Variants in MAN1C1 observed in about 807,000 individuals in gnomAD.
The protein encoded by MAN1C1 is mannosidase alpha class 1C member 1, also known as mannosyl-oligosaccharide 1,2-alpha-mannosidase IC.
Under a neutral mutation model 71.5 loss-of-function variants are expected in MAN1C1, and 49 were observed. The observed-to-expected ratio is 0.69, with a 90% confidence interval of 0.54 to 0.87. MAN1C1 has a LOEUF of 0.87. MAN1C1 is among the 40% of genes least tolerant of loss of function. MAN1C1 has a pLI of 0.00. For synonymous variants in MAN1C1, 352 were observed against 343.7 expected, an observed-to-expected ratio of 1.02 and a Z score of -0.27; for missense variants, 743 against 835.0, an observed-to-expected ratio of 0.89 and a Z score of 1.36.
At chr1:25,669,278 G>C (rs1468136733) in intron 1 of MAN1C1, among the ~76,000 whole-genome samples, 1 of 152,204 alleles carries the variant, frequency 6.6e-6, no homozygotes, top group Non-Finnish European at 1.5e-5. Context: ...AGCAGACCTA[G>C]AGAAGGTGTA....
At chr1:25,685,197 A>G (rs1289829513) in intron 1 of MAN1C1, among the ~76,000 whole-genome samples, 1 of 152,244 alleles carries the variant, frequency 6.6e-6, no homozygotes, top group African/African-American at 2.4e-5. Context: ...GATGGTGGCA[A>G]GGCCTGCCTT....
At chr1:25,709,185 C>T (rs1402423592) in intron 2 of MAN1C1, among the ~76,000 whole-genome samples, 2 of 152,168 alleles carry the variant, frequency 1.3e-5, no homozygotes, top group African/African-American at 4.8e-5. Context: ...GTATAGACGG[C>T]TGTCCTCCAT....
At position 25,640,254 on chromosome 1, in the gene MAN1C1, G is replaced by C. The variant is rs187193330; in HGVS notation, c.540+21917G>C. On this transcript the variant is annotated intron_variant, in intron 1 of 11. Transcript: ENST00000374332. Reference sequence around the variant, plus strand: ...CTTTAATTTCATTTGTCTGATTTGGGATGGGTGAAGGTGTTGAATAAAAGT... The same window carrying C: ...CTTTAATTTCATTTGTCTGATTTGGCATGGGTGAAGGTGTTGAATAAAAGT... Among the ~76,000 whole-genome samples the C allele has an allele frequency of 2.0e-4, 31 of 152,272 alleles. 1 individual carries two copies. The East Asian group carries it at 5.8e-3, about 28-fold the overall frequency.
intron 7 of MAN1C1, among the ~76,000 whole-genome samples, chr1:25,768,374 CA>C (rs2047485372): frequency 1.6e-5 from 2 of 123,380 alleles, no homozygotes; most frequent in African/African-American, 3.3e-5. Flanking sequence ...ACACTCCCCC[CA>C]CACACACTCC....
intron 2 of MAN1C1, among the ~76,000 whole-genome samples, chr1:25,716,766 C>T (rs966131892): frequency 6.6e-6 from 1 of 152,190 alleles, no homozygotes; most frequent in African/African-American, 2.4e-5. Context: ...AAATGTATTT[C>T]AACACCACTA....
intron 1 of MAN1C1, among the ~76,000 whole-genome samples, chr1:25,637,026 G>T (rs1447397925): frequency 1.1e-4 from 17 of 152,054 alleles, no homozygotes; most frequent in Admixed American, 3.3e-4. Flanking sequence ...ATGGTGGCAT[G>T]TGCCTGTAAT....
intron 1 of MAN1C1, among the ~76,000 whole-genome samples, chr1:25,647,421 C>T (rs2045630939): frequency 1.3e-5 from 2 of 152,138 alleles, no homozygotes; most frequent in South Asian, 4.2e-4. Flanking sequence ...GTTACGAGTC[C>T]AAAGGAAGAG....
intron 4 of MAN1C1, among the ~76,000 whole-genome samples, chr1:25,750,342 G>A (rs963710584): frequency 2.6e-5 from 4 of 152,180 alleles, no homozygotes; most frequent in Non-Finnish European, 4.4e-5. Context: ...GAGGTTGGCT[G>A]AGTCCCCAAA....
chr1:25,733,023 C>G (rs1430872859), intron 2 of MAN1C1, among the ~76,000 whole-genome samples: 1 of 152,212 alleles, frequency 6.6e-6, no homozygotes, highest in Non-Finnish European at 1.5e-5. Flanking sequence ...CTGGGAGGCT[C>G]TGGCACTGTC....
rs980412389 is a variant in MAN1C1, at chr1:25,764,081, C to A, written c.1141+114C>A. On this transcript the variant is annotated intron_variant, in intron 7 of 11. Transcript: ENST00000374332. This position sits in a 1 kb window ranked among gnomAD's most constrained non-coding sequence, Gnocchi z 4.4. ...GGATGTGTCTGTCAGAGCCATGCAG[C>A]CAGCAAGGCATTCGCTCGGTGCTCC... 2 of 844,510 alleles carry A rather than the reference C, an allele frequency of 2.4e-6. No individual in the cohort carries two copies. Among genetic ancestry groups the A allele is most frequent in the Non-Finnish European group, 3.9e-6 (2 of 517,898 alleles). The allele number at this position is 844,510 out of a possible 1,614,324, so 52.3% of individuals were successfully genotyped here. A position where few individuals can be genotyped will look rare whatever the true frequency, so the allele number is the denominator to read the frequency against.
chr1:25,744,172 C>T (rs771628527), intron 2 of MAN1C1, among the ~76,000 whole-genome samples: 2 of 152,154 alleles, frequency 1.3e-5, no homozygotes, highest in Non-Finnish European at 2.9e-5. Flanking sequence ...GGACACCAGG[C>T]CTGTACCCTG....
chr1:25,651,384 A>G (rs2045690575), intron 1 of MAN1C1, among the ~76,000 whole-genome samples: 1 of 152,156 alleles, frequency 6.6e-6, no homozygotes, highest in Admixed American at 6.5e-5. Flanking sequence ...TCCTGAGCTC[A>G]CTGCCTTGTT....
intron 1 of MAN1C1, among the ~76,000 whole-genome samples, chr1:25,641,548 A>G (rs1336253066): frequency 6.6e-6 from 1 of 152,164 alleles, no homozygotes; most frequent in Non-Finnish European, 1.5e-5. Context: ...TGCAGTCCGG[A>G]ATTATCTGGG....
chr1:25,761,579 C>T (rs2047358781), intron 6 of MAN1C1: 1 of 150,820 alleles, frequency 6.6e-6, no homozygotes, highest in Non-Finnish European at 1.5e-5. Context: ...CAGCATCTCC[C>T]CAACCCTTGG....
At chr1:25,620,871 T>C (rs2045196702) in intron 1 of MAN1C1, among the ~76,000 whole-genome samples, 1 of 152,202 alleles carries the variant, frequency 6.6e-6, no homozygotes, top group African/African-American at 2.4e-5. Context: ...GTTGTTAAGA[T>C]GGTTGAGGCT....
chr1:25,631,740 A>C lies in MAN1C1; in HGVS notation c.540+13403A>C, dbSNP rs2045383279. Among the ~76,000 whole-genome samples, 1 of 152,060 alleles carries C rather than the reference A, an allele frequency of 6.6e-6. No homozygotes were observed. The highest frequency in any genetic ancestry group is 1.5e-5 in the Non-Finnish European group (1 of 68,004). On this transcript the variant is annotated intron_variant, in intron 1 of 11. Coordinates refer to ENST00000374332, the MANE Select transcript of MAN1C1 (RefSeq NM_020379.4). This position sits in a 1 kb window ranked among gnomAD's most constrained non-coding sequence, Gnocchi z 4.2. ...TGTTATGTCCTTTCCTGGTTTTGTT[A>C]TGAAAGTGATACTGGCTTCGTAGAA...
At chr1:25,767,356 CT>C (rs1185575754) in intron 7 of MAN1C1, among the ~76,000 whole-genome samples, 3 of 115,992 alleles carry the variant, frequency 2.6e-5, no homozygotes. Flanking sequence ...CCACACACCA[CT>C]ACCCTCACAT....
At chr1:25,774,790 C>T (rs2047597824) in intron 8 of MAN1C1, among the ~76,000 whole-genome samples, 1 of 151,328 alleles carries the variant, frequency 6.6e-6, no homozygotes. Context: ...CCCTGCTCCA[C>T]AAGGAACAGC....
At chr1:25,781,833 C>T (rs2047699872) in intron 10 of MAN1C1, among the ~76,000 whole-genome samples, 1 of 152,218 alleles carries the variant, frequency 6.6e-6, no homozygotes, top group Non-Finnish European at 1.5e-5. Flanking sequence ...GCGTCTTGTG[C>T]TCCTATGCCC....
Sources: allele counts gnomAD v4.1 joint callset (sites outside exome capture counted in the v4.1 genomes callset), GRCh38; gene constraint gnomAD v4.1.1; non-coding constraint Gnocchi (gnomAD v3.1); transcripts MANE v1.5; gene names NCBI Gene and HGNC (gene_info 2026-07-23, HGNC 2026-07-21).